KCNIP4: variants seen among roughly 807,000 people sequenced by gnomAD.
KCNIP4 encodes Kv channel-interacting protein 4.
KCNIP4 carries 12 observed loss-of-function variants against 34.0 expected under a neutral mutation model. The observed-to-expected ratio is 0.35, with a 90% CI of 0.23 to 0.57. The LOEUF is 0.57. KCNIP4 is among the 20% of genes least tolerant of loss of function. KCNIP4 has a pLI of 0.83. For synonymous variants in KCNIP4, 124 were observed against 102.2 expected, an observed-to-expected ratio of 1.21 and a Z score of -1.29; for missense variants, 238 against 311.7, an observed-to-expected ratio of 0.76 and a Z score of 1.78.
chr4:21,840,311 C>T (rs1434378319), intron 1 of KCNIP4, among the ~76,000 whole-genome samples: 13 of 152,002 alleles, frequency 8.6e-5, no homozygotes, highest in Admixed American at 8.5e-4. Context: ...TGAGTCTCCT[C>T]TGTAGTCTGT....
chr4:20,935,469 C>T (rs1305943922), intron 1 of KCNIP4, among the ~76,000 whole-genome samples: 1 of 152,126 alleles, frequency 6.6e-6, no homozygotes, highest in African/African-American at 2.4e-5. Flanking sequence ...CCCTGTCAAT[C>T]CTACCTCTTA....
chr4:20,799,795 A>G (rs1362554832), intron 3 of KCNIP4, among the ~76,000 whole-genome samples: 1 of 152,158 alleles, frequency 6.6e-6, no homozygotes, highest in Non-Finnish European at 1.5e-5. Context: ...CCAGGATCTG[A>G]ATTGTAGCTG....
chr4:21,339,012 C>A (rs1048520981), intron 1 of KCNIP4, among the ~76,000 whole-genome samples: 1 of 152,134 alleles, frequency 6.6e-6, no homozygotes, highest in Non-Finnish European at 1.5e-5. Context: ...GGGGTAAACA[C>A]CACCGAGCTT....
chr4:21,864,813 A>G (rs1261017673), intron 1 of KCNIP4, among the ~76,000 whole-genome samples: 2 of 152,196 alleles, frequency 1.3e-5, no homozygotes, highest in Non-Finnish European at 2.9e-5. Context: ...TGGTTGACAA[A>G]AGCAATTTTA....
intron 1 of KCNIP4, among the ~76,000 whole-genome samples, chr4:21,842,708 G>A (rs1723761211): frequency 6.6e-6 from 1 of 152,014 alleles, no homozygotes; most frequent in Non-Finnish European, 1.5e-5. Context: ...AGAAGTAATA[G>A]TCTTCTAAAT....
chr4:20,968,731 A>G (rs1734629627), intron 1 of KCNIP4, among the ~76,000 whole-genome samples: 1 of 150,274 alleles, frequency 6.7e-6, no homozygotes, highest in South Asian at 2.1e-4. Flanking sequence ...GAACAATGAG[A>G]ACACATGGAC....
intron 1 of KCNIP4, among the ~76,000 whole-genome samples, chr4:21,374,512 A>C (rs959580930): frequency 2.0e-5 from 3 of 147,226 alleles, no homozygotes; most frequent in African/African-American, 8.1e-5. Context: ...TGGGAGCTAC[A>C]ATTCAAGAGA....
At chr4:21,348,188 G>A (rs889742418) in intron 1 of KCNIP4, among the ~76,000 whole-genome samples, 14 of 152,116 alleles carry the variant, frequency 9.2e-5, no homozygotes, top group African/African-American at 3.4e-4. Context: ...TCTTGACTAG[G>A]ACCATATGTG....
At chr4:21,141,136 A>C (rs964301078) in intron 1 of KCNIP4, among the ~76,000 whole-genome samples, 4 of 152,228 alleles carry the variant, frequency 2.6e-5, no homozygotes, top group Non-Finnish European at 4.4e-5. Flanking sequence ...TAATAGCATT[A>C]TCTCTAAGGA....
chr4:21,509,553 C>T (rs1296525084), intron 1 of KCNIP4, among the ~76,000 whole-genome samples: 2 of 152,092 alleles, frequency 1.3e-5, no homozygotes, highest in East Asian at 3.9e-4. Flanking sequence ...TCCTCACAAT[C>T]CTATAGCCTG....
intron 1 of KCNIP4, among the ~76,000 whole-genome samples, chr4:21,933,187 T>G (rs1318679575): frequency 6.6e-6 from 1 of 152,080 alleles, no homozygotes; most frequent in Non-Finnish European, 1.5e-5. Context: ...TTTTGCTGGG[T>G]GCAGGGACCA....
chr4:21,534,701 C>G (rs1265643888), intron 1 of KCNIP4, among the ~76,000 whole-genome samples: 1 of 152,090 alleles, frequency 6.6e-6, no homozygotes, highest in African/African-American at 2.4e-5. Context: ...TGCTGAATGA[C>G]TGCCTGTAGG....
intron 1 of KCNIP4, among the ~76,000 whole-genome samples, chr4:21,771,217 T>C (rs1436738005): frequency 1.3e-5 from 2 of 152,184 alleles, no homozygotes; most frequent in African/African-American, 2.4e-5. Context: ...CCATTGCTTG[T>C]TTTTGTCACG....
chr4:21,794,253 C>T (rs1213257105), intron 1 of KCNIP4, among the ~76,000 whole-genome samples: 1 of 151,200 alleles, frequency 6.6e-6, no homozygotes, highest in Non-Finnish European at 1.5e-5. Flanking sequence ...GCACATGTAC[C>T]CCAAAACTTA....
intron 1 of KCNIP4, among the ~76,000 whole-genome samples, chr4:21,004,527 C>A (rs1056357098): frequency 1.3e-5 from 2 of 152,010 alleles, no homozygotes; most frequent in African/African-American, 4.8e-5. Context: ...ATGTGTGAGA[C>A]TCCCCAAGGC....
intron 1 of KCNIP4, among the ~76,000 whole-genome samples, chr4:21,085,420 G>C (rs1346702287): frequency 6.6e-6 from 1 of 152,210 alleles, no homozygotes; most frequent in Non-Finnish European, 1.5e-5. Context: ...AGCTGACTAA[G>C]ACACCCATCT....
At chr4:21,234,044 T>TA (rs1277954360) in intron 1 of KCNIP4, among the ~76,000 whole-genome samples, 1 of 117,160 alleles carries the variant, frequency 8.5e-6, no homozygotes, top group Non-Finnish European at 1.6e-5. Flanking sequence ...ATATATAACA[T>TA]ATATAACACA....
At chr4:21,403,267 T>C (rs1723691818) in intron 1 of KCNIP4, among the ~76,000 whole-genome samples, 1 of 152,236 alleles carries the variant, frequency 6.6e-6, no homozygotes, top group Non-Finnish European at 1.5e-5. Flanking sequence ...ATCTCTGTTA[T>C]TGTCCATATC....
intron 1 of KCNIP4, among the ~76,000 whole-genome samples, chr4:20,898,862 G>A (rs1227571568): frequency 2.0e-5 from 3 of 152,076 alleles, no homozygotes; most frequent in Admixed American, 2.0e-4. Flanking sequence ...GCTAAGCAAG[G>A]TACTAGGCAT....
Sources: gnomAD v4.1 joint callset for allele counts (sites outside exome capture counted in the v4.1 genomes callset) on GRCh38, gnomAD v4.1.1 for gene constraint, MANE v1.5 for transcripts, NCBI Gene and HGNC (gene_info 2026-07-23, HGNC 2026-07-21) for gene names.